The following EML4 variants were observed in gnomAD, a reference collection of about 807,000 sequenced individuals.
EML4 encodes the protein echinoderm microtubule-associated protein-like 4.
Under a neutral mutation model 129.0 loss-of-function variants are expected in EML4, and 72 were observed. That is an observed-to-expected ratio of 0.56 (90% confidence interval 0.46 to 0.68). The LOEUF (loss-of-function observed/expected upper bound fraction) is 0.68, where lower values mean the gene tolerates loss of function less well. Among genes scored for constraint, EML4 ranks in the 30% least tolerant of loss-of-function variants. The pLI is 0.00. For synonymous variants in EML4, 532 were observed against 405.0 expected (o/e 1.31, Z -3.77); for missense variants, 1,363 against 1,190.6 (o/e 1.14, Z -2.13).
At chr2:42,270,063 CATT>C (rs1458671848) in intron 6 of EML4, among the ~76,000 whole-genome samples, 17 of 152,218 alleles carry the variant, frequency 1.1e-4, no homozygotes, top group Non-Finnish European at 5.9e-5. Context: ...GAAAACTAAA[CATT>C]GTTGTCTGAT....
chr2:42,279,875 ATGT>A (rs1666910273), intron 6 of EML4, among the ~76,000 whole-genome samples: 1 of 151,926 alleles, frequency 6.6e-6, no homozygotes. Context: ...ATGATTAGTG[ATGT>A]TGAACAGTTT....
intron 2 of EML4, among the ~76,000 whole-genome samples, chr2:42,246,476 G>T (rs1048083900): frequency 6.6e-6 from 1 of 152,176 alleles, no homozygotes; most frequent in Non-Finnish European, 1.5e-5. Flanking sequence ...TTAACCTAGG[G>T]AGGAGTTTTA....
At chr2:42,173,711 G>T (rs1271876764) in intron 1 of EML4, among the ~76,000 whole-genome samples, 1 of 151,904 alleles carries the variant, frequency 6.6e-6, no homozygotes, top group Non-Finnish European at 1.5e-5. Context: ...AGGCATAGTG[G>T]CATGTGCCTG....
chr2:42,245,094 C>CTTTCTTTTTTTTTTTT (rs1336279430), intron 1 of EML4, among the ~76,000 whole-genome samples: 2 of 66,562 alleles, frequency 3.0e-5, no homozygotes, highest in African/African-American at 1.3e-4. Flanking sequence ...AATTTTCTTT[C>CTTTCTTTTTTTTTTTT]TTTTTTTTTT....
chr2:42,309,818 C>G lies in EML4; in HGVS notation c.1967+5267C>G, dbSNP rs151332810. Among the ~76,000 whole-genome samples, 30 of 152,294 alleles carry G rather than the reference C, an allele frequency of 2.0e-4. No homozygotes were observed. The East Asian group carries it at 5.8e-3, about 29-fold the overall frequency. ...ATCTTTTTCAAATATTTTCCTCATT[C>G]TGAGGGTGGTCTTTTCACTTTCTTG... On this transcript the variant is annotated intron_variant, in intron 17 of 22. Coordinates refer to ENST00000318522, the MANE Select transcript of EML4 (RefSeq NM_019063.5).
intron 1 of EML4, among the ~76,000 whole-genome samples, chr2:42,221,379 G>A (rs1673581148): frequency 7.1e-6 from 1 of 141,196 alleles, no homozygotes; most frequent in African/African-American, 2.6e-5. Context: ...TTAGATGACA[G>A]CACATTGTTT....
intron 1 of EML4, among the ~76,000 whole-genome samples, chr2:42,205,098 T>A (rs908904377): frequency 6.6e-6 from 1 of 152,214 alleles, no homozygotes; most frequent in Non-Finnish European, 1.5e-5. Flanking sequence ...TTGATTCTTT[T>A]ATTAAGAGAA....
intron 6 of EML4, among the ~76,000 whole-genome samples, chr2:42,271,156 A>T (rs1558561262): frequency 6.6e-6 from 1 of 152,190 alleles, no homozygotes; most frequent in Non-Finnish European, 1.5e-5. Context: ...AGCCTTCCAG[A>T]ATGCTGGGAT....
intron 2 of EML4, among the ~76,000 whole-genome samples, chr2:42,252,661 A>G (rs557579383): frequency 1.3e-5 from 2 of 152,056 alleles, no homozygotes; most frequent in Admixed American, 6.5e-5. Context: ...CACCCACTCA[A>G]TGCCGCAAAT....
chr2:42,322,690 T>C (rs1396142061), intron 19 of EML4, among the ~76,000 whole-genome samples: 2 of 152,196 alleles, frequency 1.3e-5, no homozygotes, highest in Non-Finnish European at 2.9e-5. Flanking sequence ...CAAGGAGATA[T>C]ACTAGAATTT....
At chr2:42,218,389 T>C (rs1271029994) in intron 1 of EML4, among the ~76,000 whole-genome samples, 1 of 152,028 alleles carries the variant, frequency 6.6e-6, no homozygotes, top group Non-Finnish European at 1.5e-5. Context: ...TACAATGTAA[T>C]AATAATATAA....
chr2:42,319,465 T>C (rs1463763764), intron 19 of EML4: 1 of 152,216 alleles, frequency 6.6e-6, no homozygotes, highest in Non-Finnish European at 1.5e-5. Flanking sequence ...GCAGTACCGT[T>C]TGAGGTTGTA....
intron 1 of EML4, among the ~76,000 whole-genome samples, chr2:42,204,146 C>G (rs539021160): frequency 1.3e-5 from 2 of 152,192 alleles, no homozygotes; most frequent in East Asian, 3.9e-4. Flanking sequence ...TCTCAAACTC[C>G]TGGGCTCAAG....
At chr2:42,252,432 G>C (rs1323454758) in intron 2 of EML4, among the ~76,000 whole-genome samples, 1 of 152,058 alleles carries the variant, frequency 6.6e-6, no homozygotes, top group Non-Finnish European at 1.5e-5. Flanking sequence ...CTTATTCTCA[G>C]ACCACTGCCC....
At chr2:42,319,774 T>G (rs1310253990) in intron 19 of EML4, 1 of 152,226 alleles carries the variant, frequency 6.6e-6, no homozygotes, top group African/African-American at 2.4e-5. Context: ...TTTTAAAACA[T>G]AACAACTAGA....
chr2:42,223,267 A>C (rs1288939970), intron 1 of EML4, among the ~76,000 whole-genome samples: 1 of 152,112 alleles, frequency 6.6e-6, no homozygotes, highest in Non-Finnish European at 1.5e-5. Flanking sequence ...TGTAGTGATT[A>C]CGTAAAGATT....
At chr2:42,313,094 G>A (rs1392678249) in intron 17 of EML4, among the ~76,000 whole-genome samples, 15 of 151,286 alleles carry the variant, frequency 9.9e-5, no homozygotes, top group South Asian at 4.2e-4. Flanking sequence ...GACTACAGGC[G>A]CCTGCTACCA....
chr2:42,223,296 T>A (rs1673738601), intron 1 of EML4, among the ~76,000 whole-genome samples: 1 of 152,156 alleles, frequency 6.6e-6, no homozygotes, highest in Non-Finnish European at 1.5e-5. Context: ...GAACTGAGAT[T>A]TGTAGCAGTT....
At chr2:42,307,729 C>T (rs188469163) in intron 17 of EML4, among the ~76,000 whole-genome samples, 17 of 152,340 alleles carry the variant, frequency 1.1e-4, no homozygotes, top group African/African-American at 3.8e-4. Context: ...TCCCAGTTCA[C>T]TGTAACCTCT....
Sources: allele counts gnomAD v4.1 joint callset (sites outside exome capture counted in the v4.1 genomes callset), GRCh38; gene constraint gnomAD v4.1.1; transcripts MANE v1.5; gene names NCBI Gene and HGNC (gene_info 2026-07-23, HGNC 2026-07-21).